Variants in CHRM3 observed in about 807,000 individuals in gnomAD.
CHRM3 encodes cholinergic receptor muscarinic 3.
Under a neutral mutation model 41.8 loss-of-function variants are expected in CHRM3, and 11 were observed. The observed-to-expected ratio is 0.26, with a 90% confidence interval of 0.17 to 0.44. The LOEUF is 0.44. Among genes scored for constraint, CHRM3 ranks in the 20% least tolerant of loss-of-function variants. The pLI is 1.00. For missense variants in CHRM3, 571 were observed against 745.4 expected, an observed-to-expected ratio of 0.77 and a Z score of 2.72; for synonymous variants, 297 against 301.4, an observed-to-expected ratio of 0.99 and a Z score of 0.15.
At chr1:239,617,920 A>G (rs1667808373) in intron 3 of CHRM3, among the ~76,000 whole-genome samples, 1 of 152,116 alleles carries the variant, frequency 6.6e-6, no homozygotes, top group Non-Finnish European at 1.5e-5. Context: ...CCTACTTTAA[A>G]TAGCATTTGG....
At chr1:239,768,717 G>C (rs1667419248) in intron 5 of CHRM3, among the ~76,000 whole-genome samples, 1 of 152,074 alleles carries the variant, frequency 6.6e-6, no homozygotes, top group African/African-American at 2.4e-5. Flanking sequence ...TCCCATATCA[G>C]AAGTCTCTTC....
At chr1:239,439,019 T>C (rs973396806) in intron 1 of CHRM3, among the ~76,000 whole-genome samples, 1 of 152,204 alleles carries the variant, frequency 6.6e-6, no homozygotes, top group Non-Finnish European at 1.5e-5. Flanking sequence ...GTTGTGTAAG[T>C]TGGGCCTAGC....
chr1:239,872,576 A>T (rs1408265127), intron 6 of CHRM3, among the ~76,000 whole-genome samples: 2 of 152,136 alleles, frequency 1.3e-5, no homozygotes, highest in Admixed American at 1.3e-4. Context: ...ATACAACACA[A>T]ATCCTTCCCT....
intron 3 of CHRM3, among the ~76,000 whole-genome samples, chr1:239,551,266 G>T (rs1251120921): frequency 6.8e-6 from 1 of 146,354 alleles, no homozygotes; most frequent in Non-Finnish European, 1.5e-5. Flanking sequence ...GGGTTCAAGT[G>T]ATTCTCCTGC....
chr1:239,446,146 AG>A (rs2103287091), intron 1 of CHRM3, among the ~76,000 whole-genome samples: 1 of 152,300 alleles, frequency 6.6e-6, no homozygotes, highest in South Asian at 2.1e-4. Context: ...CATGTTGGCC[AG>A]GATGGTCTTG....
At chr1:239,753,703 C>T (rs561667646) in intron 5 of CHRM3, among the ~76,000 whole-genome samples, 203 of 152,156 alleles carry the variant, frequency 1.3e-3, no homozygotes, top group African/African-American at 4.6e-3. Flanking sequence ...GTTGACTGAC[C>T]GAATGCAGAA....
chr1:239,789,445 G>A (rs12088233), intron 5 of CHRM3, among the ~76,000 whole-genome samples: 16,051 of 152,190 alleles, frequency 0.11, 1,749 homozygotes, highest in African/African-American at 0.28. Context: ...ACTGGGTAAT[G>A]TATAAAGAAG....
intron 4 of CHRM3, among the ~76,000 whole-genome samples, chr1:239,646,239 C>A (rs1671727543): frequency 6.6e-6 from 1 of 152,152 alleles, no homozygotes; most frequent in South Asian, 2.1e-4. Context: ...CTATTCAATT[C>A]CTGTTATATG....
At chr1:239,820,746 G>C (rs2149041768) in intron 5 of CHRM3, among the ~76,000 whole-genome samples, 1 of 152,210 alleles carries the variant, frequency 6.6e-6, no homozygotes, top group East Asian at 1.9e-4. Context: ...TGCCCTTGCT[G>C]TTCTGCATTC....
At chr1:239,756,505 T>C (rs1666254700) in intron 5 of CHRM3, among the ~76,000 whole-genome samples, 1 of 152,228 alleles carries the variant, frequency 6.6e-6, no homozygotes, top group African/African-American at 2.4e-5. Context: ...TAGATGTTGA[T>C]AACATAACAT....
chr1:239,790,397 A>C (rs747677035), intron 5 of CHRM3, among the ~76,000 whole-genome samples: 3 of 152,162 alleles, frequency 2.0e-5, no homozygotes, highest in Non-Finnish European at 4.4e-5. Flanking sequence ...TCATGGGGGA[A>C]GTTTCCCCCA....
chr1:239,589,369 A>G (rs1377091072), intron 3 of CHRM3, among the ~76,000 whole-genome samples: 2 of 151,840 alleles, frequency 1.3e-5, no homozygotes, highest in Non-Finnish European at 2.9e-5. Context: ...ACCTGTGTAG[A>G]CATCTTTCTG....
At chr1:239,796,096 G>A (rs1255860715) in intron 5 of CHRM3, among the ~76,000 whole-genome samples, 5 of 152,000 alleles carry the variant, frequency 3.3e-5, no homozygotes, top group African/African-American at 4.8e-5. Context: ...TTTATTCTAC[G>A]ACATTACTAT....
At chr1:239,731,122 T>G (rs1663926735) in intron 5 of CHRM3, among the ~76,000 whole-genome samples, 1 of 151,990 alleles carries the variant, frequency 6.6e-6, no homozygotes, top group South Asian at 2.1e-4. Context: ...AAGAAGGGTG[T>G]TGATACATTT....
chr1:239,544,044 A>G (rs1659048467), intron 2 of CHRM3, among the ~76,000 whole-genome samples: 1 of 152,132 alleles, frequency 6.6e-6, no homozygotes, highest in Non-Finnish European at 1.5e-5. Flanking sequence ...AAATGTAAAA[A>G]CCATTCTTAG....
chr1:239,535,654 G>A (rs1402878189), intron 2 of CHRM3, among the ~76,000 whole-genome samples: 3 of 151,664 alleles, frequency 2.0e-5, no homozygotes, highest in African/African-American at 7.3e-5. Context: ...ATTCCATGGG[G>A]AAGACTTTGT....
chr1:239,437,087 T>C (rs536634792), intron 1 of CHRM3, among the ~76,000 whole-genome samples: 1 of 152,194 alleles, frequency 6.6e-6, no homozygotes, highest in South Asian at 2.1e-4. Flanking sequence ...TTTAAACTTT[T>C]TTTTCCCACT....
At chr1:239,416,580 T>A (rs1661519044) in intron 1 of CHRM3, among the ~76,000 whole-genome samples, 1 of 151,378 alleles carries the variant, frequency 6.6e-6, no homozygotes, top group Admixed American at 6.6e-5. Context: ...AATTAATATT[T>A]TCTTTCTTTT....
intron 3 of CHRM3, among the ~76,000 whole-genome samples, chr1:239,622,275 A>G (rs187457110): frequency 6.6e-6 from 1 of 152,322 alleles, no homozygotes; most frequent in Admixed American, 6.5e-5. Flanking sequence ...GCCTGTTAAT[A>G]TAACATCCAT....
Sources: allele counts gnomAD v4.1 joint callset (sites outside exome capture counted in the v4.1 genomes callset), GRCh38; gene constraint gnomAD v4.1.1; transcripts MANE v1.5; gene names NCBI Gene and HGNC (gene_info 2026-07-23, HGNC 2026-07-21).